ATAD3A: variants seen among roughly 807,000 people sequenced by gnomAD.
ATAD3A encodes the protein ATPase family AAA domain-containing protein 3A.
Under a neutral mutation model 73.8 loss-of-function variants are expected in ATAD3A, and 46 were observed. The ratio of observed to expected loss-of-function variants is 0.62; its 90% CI spans 0.49 to 0.80. The LOEUF (loss-of-function observed/expected upper bound fraction) is 0.80, where lower values mean the gene tolerates loss of function less well. ATAD3A is among the 30% of genes least tolerant of loss of function. The pLI is 0.00. For synonymous variants in ATAD3A, 319 were observed against 350.0 expected (o/e 0.91, Z 0.99); for missense variants, 705 against 838.0 (o/e 0.84, Z 1.96).
chr1:1,530,598 G>A (rs1388643587), intron 15 of ATAD3A, among the ~76,000 whole-genome samples: 203 of 109,776 alleles, frequency 1.8e-3, no homozygotes, highest in African/African-American at 9.4e-3. Context: ...GGGAGGCCGA[G>A]GCGGGCGGAT....
intron 4 of ATAD3A, among the ~76,000 whole-genome samples, chr1:1,518,292 C>CA (rs1557460074): frequency 6.5e-4 from 89 of 137,544 alleles, no homozygotes; most frequent in African/African-American, 2.4e-3. Flanking sequence ...ACGTACCCCC[C>CA]CACACACACA....
chr1:1,513,763 C>G (rs1241282790), intron 1 of ATAD3A, among the ~76,000 whole-genome samples: 1 of 152,108 alleles, frequency 6.6e-6, no homozygotes, highest in African/African-American at 2.4e-5. Flanking sequence ...CCCGGCCCCT[C>G]CCGACGCTCC....
chr1:1,524,657 G>C (rs1476028253), intron 11 of ATAD3A, among the ~76,000 whole-genome samples: 2 of 130,660 alleles, frequency 1.5e-5, no homozygotes, highest in Non-Finnish European at 3.0e-5. Flanking sequence ...GGGTGCAGGG[G>C]GAGAGGAGTC....
intron 4 of ATAD3A, 23 bp from the exon 5 acceptor site, chr1:1,518,898 C>T: frequency 6.2e-7 from 1 of 1,614,130 alleles, no homozygotes; most frequent in South Asian, 1.1e-5. Flanking sequence ...AGGCTTTTCT[C>T]TTTTTCTGCG....
intron 15 of ATAD3A, among the ~76,000 whole-genome samples, chr1:1,531,355 G>T (rs1182139903): frequency 2.0e-5 from 3 of 151,668 alleles, no homozygotes; most frequent in Admixed American, 6.6e-5. Context: ...GGAGAATGAG[G>T]CAGGAGAATC....
chr1:1,533,905 A>G (rs1642123091), intron 15 of ATAD3A, 21 bp from the exon 16 acceptor site: 2 of 1,609,052 alleles, frequency 1.2e-6, no homozygotes, highest in Non-Finnish European at 8.5e-7. Flanking sequence ...GGCCTCCCTC[A>G]GCTGCCTCTC....
At chr1:1,518,712 CCACACATGGGCACAATCACCCCCA>C (rs1398059362) in intron 4 of ATAD3A, among the ~76,000 whole-genome samples, 185 bp from the exon 5 acceptor site, 4 of 138,070 alleles carry the variant, frequency 2.9e-5, no homozygotes, top group South Asian at 4.7e-4. Flanking sequence ...CACAACCCAC[CCACACATGGGCACAATCACCCCCA>C]CACACATGGG....
intron 7 of ATAD3A, among the ~76,000 whole-genome samples, chr1:1,521,339 A>C (rs1031626164): frequency 6.7e-6 from 1 of 148,706 alleles, no homozygotes. Flanking sequence ...ACCAGAAGGC[A>C]ACCCTGACTC....
chr1:1,534,340 G>C lies in ATAD3A; in HGVS notation c.*268G>C. ...TGCATTTTCCGTCTGGCTCACAGGG[G>C]GAGGGTGAGGCTTTGCACCCCAGCC... On this transcript the variant is annotated 3_prime_UTR_variant, in exon 16 of 16. Transcript: ENST00000378756. 2.1e-6 allele frequency: 3 copies of C among 1,409,356 alleles called. No individual in the cohort carries two copies. Among genetic ancestry groups the C allele is most frequent in the Non-Finnish European group, 2.8e-6 (3 of 1,085,074 alleles). The allele number at this position is 1,409,356 out of a possible 1,614,324, so 87.3% of individuals were successfully genotyped here.
chr1:1,530,043 G>A (rs578212735), intron 15 of ATAD3A, among the ~76,000 whole-genome samples: 6 of 152,354 alleles, frequency 3.9e-5, no homozygotes, highest in African/African-American at 7.2e-5. Flanking sequence ...TTGAATGAAC[G>A]TGTGACAGCT....
At chr1:1,513,819 G>T (rs1456575867) in intron 1 of ATAD3A, among the ~76,000 whole-genome samples, 2 of 152,014 alleles carry the variant, frequency 1.3e-5, no homozygotes, top group South Asian at 2.1e-4. Flanking sequence ...GCCGAGATTC[G>T]GCCGGAGCCC....
rs577812747 is a variant in ATAD3A, at chr1:1,534,324, C to T, written c.*252C>T. 19 of 1,413,816 alleles carry T rather than the reference C, an allele frequency of 1.3e-5. No individual in the cohort carries two copies. Among genetic ancestry groups the T allele is most frequent in the African/African-American group, 1.0e-4 (7 of 69,158 alleles). The allele number at this position is 1,413,816 out of a possible 1,614,324, so 87.6% of individuals were successfully genotyped here. On this transcript the variant is annotated 3_prime_UTR_variant, in exon 16 of 16. Transcript: ENST00000378756. ...AGACACTCTTGGGAGATGCATTTTC[C>T]GTCTGGCTCACAGGGGGAGGGTGAG...
chr1:1,519,618 G>A (rs1641510647), intron 5 of ATAD3A, among the ~76,000 whole-genome samples: 1 of 104,268 alleles, frequency 9.6e-6, no homozygotes, highest in Non-Finnish European at 1.9e-5. Flanking sequence ...CCAGGCAAAC[G>A]TCTGTCACCA....
At chr1:1,519,918 A>T (rs547936524) in intron 5 of ATAD3A, among the ~76,000 whole-genome samples, 1 of 151,962 alleles carries the variant, frequency 6.6e-6, no homozygotes, top group Non-Finnish European at 1.5e-5. Context: ...GCCTTAGCCT[A>T]TTGGCGGCGT....
chr1:1,534,426 C>T lies in ATAD3A; in HGVS notation c.*354C>T. The T allele has an allele frequency of 7.8e-7, 1 of 1,278,518 alleles. No individual in the cohort carries two copies. Among genetic ancestry groups the T allele is most frequent in the Non-Finnish European group, 1.0e-6 (1 of 998,514 alleles). The allele number at this position is 1,278,518 out of a possible 1,614,324, so 79.2% of individuals were successfully genotyped here. On this transcript the variant is annotated 3_prime_UTR_variant, in exon 16 of 16. Transcript: ENST00000378756. ...AGCCCCCGGGGCAGCAGGAGCCAGG[C>T]AGGTGATGTCTTTGTTCTCGGCTCC...
chr1:1,526,579 C>T (rs774279496), intron 13 of ATAD3A, 48 bp downstream of exon 13: 18 of 1,611,268 alleles, frequency 1.1e-5, no homozygotes, highest in African/African-American at 4.0e-5. Flanking sequence ...GCTGTGCAGC[C>T]GTCGCCCTTG....
intron 2 of ATAD3A, chr1:1,517,072 T>A: frequency 6.6e-7 from 1 of 1,508,058 alleles, no homozygotes; most frequent in Non-Finnish European, 8.9e-7. Flanking sequence ...CAAAAGGGGG[T>A]GTCCGGCCTC....
chr1:1,528,886 G>T (rs1357272838), intron 14 of ATAD3A, among the ~76,000 whole-genome samples: 2 of 152,236 alleles, frequency 1.3e-5, no homozygotes, highest in Non-Finnish European at 2.9e-5. Context: ...ACCATGACTT[G>T]GCTTCTGTGG....
At chr1:1,531,049 T>C (rs1448133922) in intron 15 of ATAD3A, among the ~76,000 whole-genome samples, 2 of 152,080 alleles carry the variant, frequency 1.3e-5, no homozygotes, top group Non-Finnish European at 2.9e-5. Flanking sequence ...TCCCAGCTAC[T>C]CAGGAGGCTG....
Sources: gnomAD v4.1 joint callset for allele counts (sites outside exome capture counted in the v4.1 genomes callset) on GRCh38, gnomAD v4.1.1 for gene constraint, MANE v1.5 for transcripts, NCBI Gene and HGNC (gene_info 2026-07-23, HGNC 2026-07-21) for gene names.